The following ZNF407 variants were observed in gnomAD, a reference collection of about 807,000 sequenced individuals.
The protein encoded by ZNF407 is zinc finger protein 407.
In ZNF407, 17 loss-of-function variants were observed where a neutral mutation model predicts 131.2. That is an observed-to-expected ratio of 0.13 (90% CI 0.09 to 0.19). The LOEUF (loss-of-function observed/expected upper bound fraction) is 0.19, where lower values mean the gene tolerates loss of function less well. ZNF407 is among the 10% of genes least tolerant of loss of function. The pLI, the probability that ZNF407 is intolerant of heterozygous loss-of-function variation, is 1.00. For synonymous variants in ZNF407, 1,156 were observed against 1,062.0 expected, an observed-to-expected ratio of 1.09 and a Z score of -1.72; for missense variants, 2,681 against 2,830.6, an observed-to-expected ratio of 0.95 and a Z score of 1.20.
At chr18:75,028,189 T>C (rs1973193685) in intron 8 of ZNF407, among the ~76,000 whole-genome samples, 1 of 152,258 alleles carries the variant, frequency 6.6e-6, no homozygotes, top group Non-Finnish European at 1.5e-5. Context: ...TTGCGAGGGC[T>C]GCCGTAACAA....
At chr18:74,673,629 C>T (rs1426980190) in intron 3 of ZNF407, among the ~76,000 whole-genome samples, 4 of 152,208 alleles carry the variant, frequency 2.6e-5, no homozygotes, top group South Asian at 2.1e-4. Context: ...CTCCCACAGA[C>T]TGTGCTTTTC....
intron 8 of ZNF407, among the ~76,000 whole-genome samples, chr18:75,040,499 A>G (rs1261630130): frequency 2.0e-5 from 3 of 152,174 alleles, no homozygotes; most frequent in Admixed American, 1.3e-4. Context: ...ATATCTTGTC[A>G]GTGTGTTCCG....
chr18:74,865,107 C>T (rs2145164769), intron 4 of ZNF407, among the ~76,000 whole-genome samples: 1 of 152,312 alleles, frequency 6.6e-6, no homozygotes, highest in East Asian at 1.9e-4. Context: ...ACTCACCACT[C>T]ACCTGGGACT....
chr18:74,828,011 G>T, intron 4 of ZNF407, among the ~76,000 whole-genome samples: 1 of 152,158 alleles, frequency 6.6e-6, no homozygotes, highest in African/African-American at 2.4e-5. Flanking sequence ...TTCTGGTGCT[G>T]CCGGTCTGCC....
At position 74,683,355 on chromosome 18, in the gene ZNF407, A is replaced by G. The variant is rs1400629645; in HGVS notation, c.4802+42233A>G. On this transcript the variant is annotated intron_variant, in intron 3 of 8. Coordinates refer to ENST00000299687, the MANE Select transcript of ZNF407 (RefSeq NM_017757.3). ...GGATTCCATTTTCTTCCTCAGAGAA[A>G]TAGGATTATTCTAGAACAACAAACT... 2.0e-5 allele frequency among the ~76,000 whole-genome samples: 3 copies of G among 152,292 alleles called. No homozygotes were observed. In the East Asian group the frequency reaches 5.8e-4, roughly 29 times the overall value.
chr18:74,601,321 G>GTGTA (rs1982569680), intron 1 of ZNF407, among the ~76,000 whole-genome samples: 2 of 117,860 alleles, frequency 1.7e-5, no homozygotes, highest in South Asian at 6.4e-4. Context: ...GTGTGTGTGT[G>GTGTA]TGTATGTCTG....
At chr18:74,721,910 C>G (rs923038576) in intron 3 of ZNF407, among the ~76,000 whole-genome samples, 2 of 152,092 alleles carry the variant, frequency 1.3e-5, no homozygotes, top group African/African-American at 4.8e-5. Flanking sequence ...TTGATTGATA[C>G]TTTGACCGTG....
intron 7 of ZNF407, 46 bp downstream of exon 7, chr18:74,890,084 T>G: frequency 7.0e-7 from 1 of 1,438,330 alleles, no homozygotes; most frequent in Non-Finnish European, 9.1e-7. Context: ...GCCGCCATGA[T>G]GGATTAAAAG....
At chr18:74,695,670 T>C (rs1004064079) in intron 3 of ZNF407, among the ~76,000 whole-genome samples, 1 of 151,992 alleles carries the variant, frequency 6.6e-6, no homozygotes, top group Non-Finnish European at 1.5e-5. Flanking sequence ...TCAGTAGTTA[T>C]CTAGTTACAT....
chr18:75,007,185 T>A (rs1972920689), intron 8 of ZNF407, among the ~76,000 whole-genome samples: 1 of 151,906 alleles, frequency 6.6e-6, no homozygotes, highest in African/African-American at 2.4e-5. Flanking sequence ...ACTGTTAGTA[T>A]TTTTTATTTA....
At chr18:74,935,950 AT>A (rs1972035132) in intron 8 of ZNF407, among the ~76,000 whole-genome samples, 2 of 152,086 alleles carry the variant, frequency 1.3e-5, no homozygotes, top group African/African-American at 2.4e-5. Context: ...CCTGTATGTA[AT>A]TTTTTAAAAA....
rs567322155 is a variant in ZNF407, at chr18:75,048,857, G to C, written c.5429-14293G>C. ...AATTGGAGGGTGGGAAGGGGCAGAA[G>C]GGGTGAGCAGGCAGTGTTCAGGCTG... is the stretch of plus-strand genomic sequence containing the variant. On this transcript the variant is annotated intron_variant, in intron 8 of 8. Transcript: ENST00000299687. The surrounding 1 kb of genome is among the most constrained non-coding windows in gnomAD (Gnocchi z 4.1). Among the ~76,000 whole-genome samples the C allele has an allele frequency of 7.2e-4, 110 of 152,316 alleles. No individual in the cohort carries two copies. The highest frequency in any genetic ancestry group is 3.4e-3 in the Middle Eastern group (1 of 294).
At chr18:74,834,311 AG>A in intron 4 of ZNF407, among the ~76,000 whole-genome samples, 1 of 152,232 alleles carries the variant, frequency 6.6e-6, no homozygotes, top group East Asian at 1.9e-4. Flanking sequence ...GCCTTCTTGC[AG>A]CATGACCCAA....
chr18:74,665,568 A>G (rs923359118), intron 3 of ZNF407, among the ~76,000 whole-genome samples: 2 of 152,186 alleles, frequency 1.3e-5, no homozygotes, highest in East Asian at 3.9e-4. Flanking sequence ...CGCAAGTTTC[A>G]GTTACTAGAA....
intron 3 of ZNF407, among the ~76,000 whole-genome samples, chr18:74,708,615 T>C (rs1967682658): frequency 6.6e-6 from 1 of 152,126 alleles, no homozygotes; most frequent in South Asian, 2.1e-4. Context: ...CCTTGATCAG[T>C]TTTGAAAGGG....
intron 4 of ZNF407, among the ~76,000 whole-genome samples, chr18:74,860,935 T>C (rs534412295): frequency 2.6e-5 from 4 of 152,304 alleles, no homozygotes; most frequent in Admixed American, 2.6e-4. Flanking sequence ...TATTTAGCTT[T>C]ATTTCTGAAT....
Position 75,063,931 on chromosome 18 carries a change from G to A in ZNF407, c.6210G>A (p.Glu2070=), listed in dbSNP as rs750129390. ...VHPSAAMASQ[E]RAQVAFKKMV... ...CCTCAGCAGCCATGGCCTCTCAGGA[G>A]CGGGCACAGGTGGCCTTCAAGAAGA... Residue 2070 remains glutamate (E), a synonymous_variant, in exon 9 of 9, where the codon GAG becomes GAA. Coordinates refer to ENST00000299687, the MANE Select transcript of ZNF407 (RefSeq NM_017757.3). The surrounding 1 kb of genome is among the most constrained non-coding windows in gnomAD (Gnocchi z 6.6). The A allele has an allele frequency of 1.2e-6, 2 of 1,613,778 alleles. No individual in the cohort carries two copies. Among genetic ancestry groups the A allele is most frequent in the East Asian group, 4.5e-5 (2 of 44,836 alleles).
intron 8 of ZNF407, among the ~76,000 whole-genome samples, chr18:74,962,722 C>T (rs1972361147): frequency 6.6e-6 from 1 of 152,226 alleles, no homozygotes; most frequent in Non-Finnish European, 1.5e-5. Context: ...GCTCTGATTC[C>T]AAGAGTCAAT....
chr18:74,923,975 G>A (rs1266223943), intron 8 of ZNF407, among the ~76,000 whole-genome samples: 1 of 152,080 alleles, frequency 6.6e-6, no homozygotes, highest in East Asian at 1.9e-4. Flanking sequence ...CAAGCAGAAT[G>A]TACAAAAGTT....
Sources: gnomAD v4.1 joint callset for allele counts (sites outside exome capture counted in the v4.1 genomes callset) on GRCh38, gnomAD v4.1.1 for gene constraint, Gnocchi (gnomAD v3.1) non-coding constraint, MANE v1.5 for transcripts, NCBI Gene and HGNC (gene_info 2026-07-23, HGNC 2026-07-21) for gene names.